The following FRMD4A variants were observed in gnomAD, a reference collection of about 807,000 sequenced individuals.
FRMD4A encodes the protein FERM domain containing 4A.
In FRMD4A, 29 loss-of-function variants were observed where a neutral mutation model predicts 129.1. The ratio of observed to expected loss-of-function variants is 0.22; its 90% CI spans 0.17 to 0.31. The LOEUF (loss-of-function observed/expected upper bound fraction) is 0.31. Ranked by LOEUF, FRMD4A falls within the 10% of genes least tolerant of loss-of-function variation. The pLI is 1.00. For synonymous variants in FRMD4A, 634 were observed against 571.6 expected (o/e 1.11, Z -1.56); for missense variants, 1,272 against 1,375.8 (o/e 0.92, Z 1.19).
intron 2 of FRMD4A, among the ~76,000 whole-genome samples, chr10:14,011,941 G>A (rs1273353171): frequency 1.3e-5 from 2 of 151,914 alleles, no homozygotes; most frequent in African/African-American, 2.4e-5. Flanking sequence ...CCTGGGAGGT[G>A]GAGGTTGTAG....
intron 13 of FRMD4A, among the ~76,000 whole-genome samples, chr10:13,706,778 A>ACACACACACACC: frequency 6.7e-6 from 1 of 150,276 alleles, no homozygotes; most frequent in South Asian, 2.1e-4. Context: ...ACACACACAC[A>ACACACACACACC]CGAGCCAGGG....
intron 12 of FRMD4A, among the ~76,000 whole-genome samples, chr10:13,718,711 T>C (rs2134964889): frequency 6.6e-6 from 1 of 152,314 alleles, no homozygotes; most frequent in African/African-American, 2.4e-5. Context: ...GAAGCTGAGG[T>C]GTCTACTCTG....
At chr10:13,762,867 G>C (rs981344758) in intron 6 of FRMD4A, among the ~76,000 whole-genome samples, 187 bp from the exon 7 acceptor site, 3 of 152,156 alleles carry the variant, frequency 2.0e-5, no homozygotes, top group Non-Finnish European at 1.5e-5. Flanking sequence ...GGTGGTGCAC[G>C]TCTGTAGACG....
At chr10:14,321,568 A>T (rs760027633) in intron 2 of FRMD4A, among the ~76,000 whole-genome samples, 6 of 152,108 alleles carry the variant, frequency 3.9e-5, no homozygotes, top group Non-Finnish European at 7.4e-5. Flanking sequence ...CAGAGACCAG[A>T]TCTGTAAGTG....
At chr10:13,912,528 T>G (rs868839643) in intron 2 of FRMD4A, among the ~76,000 whole-genome samples, 78,371 of 125,184 alleles carry the variant, frequency 0.63, 24,347 homozygotes, top group Middle Eastern at 0.72. Context: ...GAATTTTTTT[T>G]TTTTTTTTTT....
At chr10:14,110,564 A>G (rs146534595) in intron 2 of FRMD4A, among the ~76,000 whole-genome samples, 1 of 152,198 alleles carries the variant, frequency 6.6e-6, no homozygotes, top group Admixed American at 6.5e-5. Context: ...AGACGGCAAG[A>G]CTGGAAGATA....
intron 2 of FRMD4A, among the ~76,000 whole-genome samples, chr10:14,315,847 C>T (rs1346410532): frequency 3.3e-5 from 5 of 152,240 alleles, no homozygotes; most frequent in South Asian, 2.1e-4. Context: ...TGCCCTTACT[C>T]ATGTGACAGA....
chr10:14,083,290 C>A (rs1340396154), intron 2 of FRMD4A: 1 of 152,250 alleles, frequency 6.6e-6, no homozygotes, highest in African/African-American at 2.4e-5. Flanking sequence ...ACGACTGTTG[C>A]ATTCTAGAGA....
chr10:13,891,557 A>G (rs937139675), intron 2 of FRMD4A: 1 of 974,058 alleles, frequency 1.0e-6, no homozygotes, highest in African/African-American at 1.8e-5. Flanking sequence ...GCGTGAAAAC[A>G]CGGAAGGCGA....
chr10:13,724,509 G>T (rs2089734351), intron 12 of FRMD4A, among the ~76,000 whole-genome samples: 1 of 152,194 alleles, frequency 6.6e-6, no homozygotes, highest in South Asian at 2.1e-4. Context: ...ACCGGTTCAT[G>T]GCTTCTTTTG....
At chr10:13,890,617 C>G in intron 2 of FRMD4A, 1 of 985,400 alleles carries the variant, frequency 1.0e-6, no homozygotes, top group Non-Finnish European at 1.2e-6. Context: ...AGAGCAACCC[C>G]TTTCATCACT....
At position 13,782,924 on chromosome 10, in the gene FRMD4A, T is replaced by C; in HGVS notation, c.382A>G (p.Lys128Glu). The C allele has an allele frequency of 1.5e-6, 2 of 1,343,712 alleles. No homozygotes were observed. Among genetic ancestry groups the C allele is most frequent in the Non-Finnish European group, 2.1e-6 (2 of 933,016 alleles). The allele number at this position is 1,343,712 out of a possible 1,614,324, so 83.2% of individuals were successfully genotyped here. A position where few individuals can be genotyped will look rare whatever the true frequency, so the allele number is the denominator to read the frequency against. The change falls in exon 6 of 25, where the codon AAG becomes GAG. Residue 128 changes from lysine to glutamate, a missense_variant and splice_region_variant. Physicochemically the swap from Lys to Glu is moderately conservative, Grantham distance 56. Coordinates refer to ENST00000357447, the MANE Select transcript of FRMD4A (RefSeq NM_018027.5). ...FFLNAKSCIY[K>E]ELIDVDSEVV... ...ATTGAGGGAGAGGGAGTTCCTACCT[T>C]GTAGATGCAGGACTTCGCGTTCAGA...
At chr10:14,089,245 G>A (rs971659229) in intron 2 of FRMD4A, among the ~76,000 whole-genome samples, 5 of 152,206 alleles carry the variant, frequency 3.3e-5, no homozygotes, top group African/African-American at 1.2e-4. Flanking sequence ...GTTCTCTCTG[G>A]AGGTTGAGTT....
rs2095317554 is a variant in FRMD4A at position 13,944,530 on chromosome 10, A to G, written c.46-85618T>C. 2.0e-5 allele frequency among the ~76,000 whole-genome samples: 3 copies of G among 152,292 alleles called. No individual in the cohort carries two copies. The South Asian group carries it at 6.2e-4, about 32-fold the overall frequency. Reference sequence around the variant, plus strand: ...AATGTGCTTAAATCATCCTGAAACCATCCCCCAACCTCAGTCCTTGGAAAA... The same window carrying G: ...AATGTGCTTAAATCATCCTGAAACCGTCCCCCAACCTCAGTCCTTGGAAAA... On this transcript the variant is annotated intron_variant, in intron 2 of 24. Transcript: ENST00000357447.
At chr10:14,230,274 T>A (rs1843593268) in intron 2 of FRMD4A, among the ~76,000 whole-genome samples, 1 of 152,216 alleles carries the variant, frequency 6.6e-6, no homozygotes, top group South Asian at 2.1e-4. Flanking sequence ...CAGTTGTTGT[T>A]GTCACTGAAG....
At chr10:14,105,163 T>C (rs1045845817) in intron 2 of FRMD4A, among the ~76,000 whole-genome samples, 1 of 152,248 alleles carries the variant, frequency 6.6e-6, no homozygotes, top group Non-Finnish European at 1.5e-5. Context: ...TGAAGAGCTA[T>C]AGGTCGTAGC....
intron 2 of FRMD4A, among the ~76,000 whole-genome samples, chr10:14,018,596 A>T (rs1473649891): frequency 6.6e-6 from 1 of 152,178 alleles, no homozygotes; most frequent in African/African-American, 2.4e-5. Flanking sequence ...GACACCATCC[A>T]ATCTGAGTTT....
At chr10:14,120,780 A>G (rs1838465416) in intron 2 of FRMD4A, among the ~76,000 whole-genome samples, 1 of 152,068 alleles carries the variant, frequency 6.6e-6, no homozygotes, top group Non-Finnish European at 1.5e-5. Flanking sequence ...GCAGACACTG[A>G]GACCCAGGGG....
chr10:13,712,982 T>C (rs1189284762), intron 12 of FRMD4A, among the ~76,000 whole-genome samples: 2 of 152,176 alleles, frequency 1.3e-5, no homozygotes, highest in African/African-American at 4.8e-5. Flanking sequence ...CCAGCATTTA[T>C]GGAGAGCTGG....
Sources: gnomAD v4.1 joint callset for allele counts (sites outside exome capture counted in the v4.1 genomes callset) on GRCh38, gnomAD v4.1.1 for gene constraint, MANE v1.5 for transcripts, NCBI Gene and HGNC (gene_info 2026-07-23, HGNC 2026-07-21) for gene names.